The following ITPR2 variants were observed in gnomAD, a reference collection of about 807,000 sequenced individuals.
The protein encoded by ITPR2 is inositol 1,4,5-trisphosphate receptor type 2.
Under a neutral mutation model 317.1 loss-of-function variants are expected in ITPR2, and 207 were observed. The ratio of observed to expected loss-of-function variants is 0.65; its 90% CI spans 0.58 to 0.73. The LOEUF (loss-of-function observed/expected upper bound fraction) is 0.73. Ranked by LOEUF, ITPR2 falls within the 30% of genes least tolerant of loss-of-function variation. ITPR2 has a pLI of 0.00. For synonymous variants in ITPR2, 1,156 were observed against 1,149.1 expected (o/e 1.01, Z -0.12); for missense variants, 2,613 against 3,284.0 (o/e 0.80, Z 4.99).
chr12:26,523,031 T>C (rs1943706740), intron 37 of ITPR2, among the ~76,000 whole-genome samples: 1 of 152,230 alleles, frequency 6.6e-6, no homozygotes, highest in African/African-American at 2.4e-5. Flanking sequence ...ACAAGGTCTT[T>C]TGGTTAAAAA....
At chr12:26,705,320 A>G (rs1462848257) in intron 9 of ITPR2, among the ~76,000 whole-genome samples, 1 of 152,082 alleles carries the variant, frequency 6.6e-6, no homozygotes, top group Non-Finnish European at 1.5e-5. Flanking sequence ...ATGTAAGCAG[A>G]TTTGTTTCTG....
chr12:26,526,779 T>C (rs941613990), intron 37 of ITPR2, among the ~76,000 whole-genome samples: 2 of 152,140 alleles, frequency 1.3e-5, no homozygotes, highest in African/African-American at 4.8e-5. Context: ...GCTGGGTGTA[T>C]TCAAGAAACA....
Position 26,487,216 on chromosome 12 carries a change from C to T in ITPR2, c.5406G>A (p.Lys1802=). ...AGAGAACTTTAAAGAATTTTTCTGA[C>T]TTTTTTTGTTCATGCAACTGCTGGT... is the stretch of plus-strand genomic sequence containing the variant. ...SFYQQLHEQK[K]SEKFFKVLYD... is the part of the protein sequence containing the mutation. Residue 1802 remains lysine (K), a synonymous_variant, in exon 40 of 57, where the codon AAG becomes AAA. Coordinates refer to ENST00000381340, the MANE Select transcript of ITPR2 (RefSeq NM_002223.4). 6.2e-7 allele frequency: 1 copy of T among 1,604,914 alleles called. No individual in the cohort carries two copies. Among genetic ancestry groups the T allele is most frequent in the Non-Finnish European group, 8.5e-7 (1 of 1,177,656 alleles).
At chr12:26,722,583 C>A in intron 4 of ITPR2, 28 bp from the exon 5 acceptor site, 1 of 1,544,394 alleles carries the variant, frequency 6.5e-7, no homozygotes, top group Non-Finnish European at 8.9e-7. Flanking sequence ...AGATTACCAC[C>A]TTTATTCTTT....
chr12:26,446,760 G>C (rs1436673722), intron 45 of ITPR2, among the ~76,000 whole-genome samples: 2 of 142,608 alleles, frequency 1.4e-5, no homozygotes, highest in African/African-American at 2.6e-5. Context: ...CACCCACCTA[G>C]GCCTCCCTTC....
chr12:26,695,674 GT>G, intron 9 of ITPR2, 24 bp from the exon 10 acceptor site: 1 of 1,561,840 alleles, frequency 6.4e-7, no homozygotes, highest in East Asian at 2.2e-5. Flanking sequence ...GGAAAATTTA[GT>G]TTTTCATTGC....
intron 26 of ITPR2, among the ~76,000 whole-genome samples, chr12:26,615,435 C>T (rs946348471): frequency 2.6e-5 from 4 of 151,962 alleles, no homozygotes; most frequent in Non-Finnish European, 5.9e-5. Context: ...TGAAGAGAGA[C>T]TCAGATGAGT....
intron 9 of ITPR2, among the ~76,000 whole-genome samples, 177 bp downstream of exon 9, chr12:26,710,996 C>T (rs190520979): frequency 5.3e-5 from 8 of 152,322 alleles, no homozygotes; most frequent in African/African-American, 1.9e-4. Context: ...ATTTGTAATA[C>T]TTTGACTAAC....
At chr12:26,669,850 C>T (rs1210006219) in intron 13 of ITPR2, among the ~76,000 whole-genome samples, 2 of 152,244 alleles carry the variant, frequency 1.3e-5, no homozygotes, top group East Asian at 3.8e-4. Context: ...CACCCGAGTA[C>T]TGCGCTTTTC....
At chr12:26,395,990 G>A (rs1364923803) in intron 54 of ITPR2, among the ~76,000 whole-genome samples, 1 of 152,160 alleles carries the variant, frequency 6.6e-6, no homozygotes, top group Non-Finnish European at 1.5e-5. Context: ...AGCCAGACAT[G>A]TAGTAAGTAT....
intron 1 of ITPR2, among the ~76,000 whole-genome samples, chr12:26,799,505 G>C: frequency 6.6e-6 from 1 of 152,172 alleles, no homozygotes; most frequent in South Asian, 2.1e-4. Flanking sequence ...GTGAAACTAA[G>C]GGGAAAAACA....
intron 23 of ITPR2, among the ~76,000 whole-genome samples, chr12:26,625,448 T>C (rs1320022013): frequency 1.3e-5 from 2 of 152,038 alleles, no homozygotes; most frequent in Non-Finnish European, 2.9e-5. Flanking sequence ...ACCCCACAAA[T>C]ATATACATCA....
intron 51 of ITPR2, among the ~76,000 whole-genome samples, chr12:26,412,570 A>G (rs1261886391): frequency 6.6e-6 from 1 of 152,192 alleles, no homozygotes; most frequent in Non-Finnish European, 1.5e-5. Context: ...TAGCTAGAGG[A>G]CATAGAGAGA....
At chr12:26,565,978 G>A (rs1282435919) in intron 34 of ITPR2, among the ~76,000 whole-genome samples, 21 of 33,024 alleles carry the variant, frequency 6.4e-4, no homozygotes, top group South Asian at 2.2e-3. Flanking sequence ...GGAGGGGAGG[G>A]GAGGGGAGGG....
intron 23 of ITPR2, among the ~76,000 whole-genome samples, chr12:26,626,039 G>C (rs906855027): frequency 9.9e-5 from 15 of 152,180 alleles, no homozygotes; most frequent in Non-Finnish European, 1.9e-4. Flanking sequence ...TCAACTCACT[G>C]CAGCGTCGAC....
intron 21 of ITPR2, among the ~76,000 whole-genome samples, chr12:26,650,722 T>A (rs1277953701): frequency 1.3e-5 from 2 of 152,216 alleles, no homozygotes; most frequent in Non-Finnish European, 1.5e-5. Context: ...TTAGTTTAGA[T>A]TGAAGATTGT....
At chr12:26,437,397 A>T (rs1012645249) in intron 47 of ITPR2, among the ~76,000 whole-genome samples, 5 of 152,230 alleles carry the variant, frequency 3.3e-5, no homozygotes, top group African/African-American at 1.2e-4. Context: ...TTCTCTTGGA[A>T]GGGAACATTC....
chr12:26,511,692 C>T (rs10842744), intron 37 of ITPR2, among the ~76,000 whole-genome samples: 125,016 of 152,200 alleles, frequency 0.82, 51,686 homozygotes, highest in Non-Finnish European at 0.88. Context: ...TTATTCTATT[C>T]TGACCTCTGA....
At chr12:26,476,541 G>T (rs3736184) in intron 44 of ITPR2, among the ~76,000 whole-genome samples, 91,737 of 152,054 alleles carry the variant, frequency 0.6, 32,475 homozygotes, top group Non-Finnish European at 0.79. Flanking sequence ...TTTTCAGAAA[G>T]AAGTATAAAT....
Sources: allele counts gnomAD v4.1 joint callset (sites outside exome capture counted in the v4.1 genomes callset), GRCh38; gene constraint gnomAD v4.1.1; transcripts MANE v1.5; gene names NCBI Gene and HGNC (gene_info 2026-07-23, HGNC 2026-07-21).